ARFGAP2: variants seen among roughly 807,000 people sequenced by gnomAD.
ARFGAP2 encodes the protein ADP-ribosylation factor GTPase-activating protein 2.
In ARFGAP2, 45 loss-of-function variants were observed where a neutral mutation model predicts 71.9. The ratio of observed to expected loss-of-function variants is 0.63; its 90% CI spans 0.49 to 0.80. The LOEUF (loss-of-function observed/expected upper bound fraction) is 0.80, where lower values mean the gene tolerates loss of function less well. ARFGAP2 is among the 30% of genes least tolerant of loss of function. The probability of loss-of-function intolerance (pLI) is 0.00; values close to 1 mark genes in which losing one functional copy is unlikely to be tolerated. For synonymous variants in ARFGAP2, 248 were observed against 249.2 expected, an observed-to-expected ratio of 1.00 and a Z score of 0.05; for missense variants, 633 against 673.9, an observed-to-expected ratio of 0.94 and a Z score of 0.67.
At chr11:47,176,413 C>G in intron 2 of ARFGAP2, 103 bp downstream of exon 2, 1 of 1,153,500 alleles carries the variant, frequency 8.7e-7, no homozygotes, top group Non-Finnish European at 1.3e-6. Flanking sequence ...AGAGGCTTCC[C>G]ACCGAATTCA....
In ARFGAP2 at chr11:47,164,408, G is replaced by A. The variant is rs1952271166; in HGVS notation, c.*1074C>T. 2 of 853,240 alleles carry A rather than the reference G, an allele frequency of 2.3e-6. No homozygotes were observed. Among genetic ancestry groups the A allele is most frequent in the Non-Finnish European group, 3.4e-6 (2 of 587,108 alleles). The allele number at this position is 853,240 out of a possible 1,614,324, so 52.9% of individuals were successfully genotyped here. ...AAAGTCAAGTCCCTCTGGGGGAGGGGCAAGGGGAAGAGTGGTCTGTGTTGC... is the reference window on the plus strand; with the variant it reads ...AAAGTCAAGTCCCTCTGGGGGAGGGACAAGGGGAAGAGTGGTCTGTGTTGC... On this transcript the variant is annotated 3_prime_UTR_variant, in exon 16 of 16. Transcript: ENST00000524782.
chr11:47,175,742 G>T, intron 3 of ARFGAP2, 109 bp downstream of exon 3: 3 of 1,281,036 alleles, frequency 2.3e-6, no homozygotes, highest in Non-Finnish European at 1.1e-6. Context: ...TGGTGTTATA[G>T]AACAGAGAAC....
Position 47,175,017 on chromosome 11 carries a change from G to A in ARFGAP2, c.478C>T (p.Gln160Ter). 6.2e-7 allele frequency: 1 copy of A among 1,614,158 alleles called. No individual in the cohort carries two copies. Among genetic ancestry groups the A allele is most frequent in the Non-Finnish European group, 8.5e-7 (1 of 1,180,006 alleles). Residue 160 changes from glutamine (Q) to a stop codon, truncating the protein, a stop_gained and splice_region_variant, in exon 5 of 16, where the codon CAA (glutamine) becomes TAA (stop). Coordinates refer to ENST00000524782, the MANE Select transcript of ARFGAP2 (RefSeq NM_032389.6). LOFTEE classifies it high-confidence loss of function. Reference protein sequence around the residue: ...KDSDFFTEHTQPPAWDAPATE... With the variant: ...KDSDFFTEHT ...AACGGTTCCTTGTGGGCACTCACTT[G>A]AGTGTGTTCTGTGAAGAAATCAGAG... is the stretch of plus-strand genomic sequence containing the variant.
intron 1 of ARFGAP2, 42 bp from the exon 2 acceptor site, chr11:47,176,676 G>A (rs879306166): frequency 1.9e-6 from 3 of 1,612,044 alleles, no homozygotes; most frequent in Non-Finnish European, 2.5e-6. Context: ...GGGGCCCCGA[G>A]TAAAGGCCAG....
intron 10 of ARFGAP2, among the ~76,000 whole-genome samples, chr11:47,170,618 G>GAT (rs2135428278): frequency 6.6e-6 from 1 of 152,302 alleles, no homozygotes; most frequent in South Asian, 2.1e-4. Context: ...TTGCACTCCA[G>GAT]CCTGGGTGAC....
At chr11:47,174,864 C>A (rs928137522) in intron 5 of ARFGAP2, 151 bp downstream of exon 5, 4 of 799,904 alleles carry the variant, frequency 5.0e-6, no homozygotes, top group Non-Finnish European at 8.3e-6. Flanking sequence ...AACACCTAGG[C>A]CTACCCAGCA....
Position 47,173,832 on chromosome 11 carries a change from G to A in ARFGAP2, c.489C>T (p.Ala163=), listed in dbSNP as rs56726934. 1.3e-6 allele frequency: 2 copies of A among 1,598,942 alleles called. No homozygotes were observed. Among genetic ancestry groups the A allele is most frequent in the Non-Finnish European group, 1.7e-6 (2 of 1,173,292 alleles). ...AAGGCTCAGTGGCTGGCGCATCCCAGGCAGGGGGCTGAAAAGGAGGCCAGA... is the reference window on the plus strand; with the variant it reads ...AAGGCTCAGTGGCTGGCGCATCCCAAGCAGGGGGCTGAAAAGGAGGCCAGA... ...DFFTEHTQPP[A]WDAPATEPSG... The change falls in exon 6 of 16, where the codon GCC becomes GCT. Residue 163 remains alanine (A), a synonymous_variant. Coordinates refer to ENST00000524782, the MANE Select transcript of ARFGAP2 (RefSeq NM_032389.6).
intron 1 of ARFGAP2, 60 bp from the exon 2 acceptor site, chr11:47,176,694 C>A (rs763118395): frequency 6.2e-7 from 1 of 1,610,916 alleles, no homozygotes; most frequent in Non-Finnish European, 8.5e-7. Context: ...CAGGCACCGA[C>A]ACCCCAGAAA....
Position 47,176,770 on chromosome 11 carries a change from C to T in ARFGAP2, c.72+12G>A, listed in dbSNP as rs1440486253. On this transcript the variant is annotated intron_variant, in intron 1 of 15. Coordinates refer to ENST00000524782, the MANE Select transcript of ARFGAP2 (RefSeq NM_032389.6). ...CGGGACGAGAGACTCCGCGCGCCCCCTGCTCACGCACCTTGTTGGTTGGAA... is the reference window on the plus strand; with the variant it reads ...CGGGACGAGAGACTCCGCGCGCCCCTTGCTCACGCACCTTGTTGGTTGGAA... 6.2e-7 allele frequency: 1 copy of T among 1,614,038 alleles called. No homozygotes were observed. Among genetic ancestry groups the T allele is most frequent in the African/African-American group, 1.3e-5 (1 of 74,954 alleles).
intron 5 of ARFGAP2, chr11:47,174,554 C>A (rs1952725706): frequency 6.2e-6 from 1 of 161,266 alleles, no homozygotes; most frequent in Admixed American, 5.8e-5. Flanking sequence ...CGCCACCGCG[C>A]CCGGCTAATT....
chr11:47,173,016 C>T (rs1952662125), intron 7 of ARFGAP2: 1 of 356,672 alleles, frequency 2.8e-6, no homozygotes, highest in African/African-American at 2.1e-5. Flanking sequence ...AAAGGACAGG[C>T]TGGGGTACTG....
intron 8 of ARFGAP2, 36 bp from the exon 9 acceptor site, chr11:47,171,836 A>G (rs1009342890): frequency 1.2e-6 from 2 of 1,609,366 alleles, no homozygotes; most frequent in Non-Finnish European, 1.7e-6. Flanking sequence ...CTTCCCAATC[A>G]CACTCTCCTC....
rs771562743 is a variant in ARFGAP2, at chr11:47,175,116, C to A, written c.397-18G>T. The A allele has an allele frequency of 1.2e-6, 2 of 1,614,170 alleles. No individual in the cohort carries two copies. Among genetic ancestry groups the A allele is most frequent in the Non-Finnish European group, 1.7e-6 (2 of 1,180,022 alleles). Reference sequence around the variant, plus strand: ...ATCCAAAGCTAGAAAGGAGAAGACACCCCTAAAACACAGGGCTCTGAATAC... The same window carrying A: ...ATCCAAAGCTAGAAAGGAGAAGACAACCCTAAAACACAGGGCTCTGAATAC... On this transcript the variant is annotated intron_variant, in intron 4 of 15. Transcript: ENST00000524782.
chr11:47,172,676 C>G, intron 7 of ARFGAP2: 2 of 1,315,376 alleles, frequency 1.5e-6, no homozygotes, highest in Non-Finnish European at 2.0e-6. Flanking sequence ...AAGCTGAGAA[C>G]AGGGGCTGGG....
intron 6 of ARFGAP2, 126 bp from the exon 7 acceptor site, chr11:47,173,608 T>C: frequency 7.1e-7 from 1 of 1,398,668 alleles, no homozygotes; most frequent in South Asian, 1.4e-5. Context: ...AAGGAATATC[T>C]ACCACTTCCT....
Position 47,168,032 on chromosome 11 carries a change from T to C in ARFGAP2, c.1082A>G (p.Asn361Ser), listed in dbSNP as rs200128061. 9.2e-5 allele frequency: 149 copies of C among 1,614,056 alleles called. No homozygotes were observed. Among genetic ancestry groups the C allele is most frequent in the Non-Finnish European group, 1.2e-4 (141 of 1,180,048 alleles). The change falls in exon 12 of 16, where the codon AAT becomes AGT. Residue 361 changes from asparagine (N) to serine (S), a missense_variant. Asn to Ser is a conservative substitution (Grantham distance 46, BLOSUM62 1). Coordinates refer to ENST00000524782, the MANE Select transcript of ARFGAP2 (RefSeq NM_032389.6). ...FASGPPKYKD[N>S]PFSLGESFGS... The stretch of plus-strand genomic sequence containing the variant: ...AAAGCTTTCCCCTAAGGAAAAGGGA[T>C]TGTCCTTGTACCTAGGGAGACAGTA...
chr11:47,173,583 G>A (rs1590957936), intron 6 of ARFGAP2, 101 bp from the exon 7 acceptor site: 8 of 1,428,412 alleles, frequency 5.6e-6, no homozygotes, highest in Middle Eastern at 2.6e-4. Flanking sequence ...TCCTCAGCTT[G>A]CCACCAAAAG....
At chr11:47,171,322 C>T (rs1952589878) in intron 10 of ARFGAP2, 104 bp downstream of exon 10, 1 of 1,537,352 alleles carries the variant, frequency 6.5e-7, no homozygotes, top group Non-Finnish European at 8.8e-7. Context: ...TCTATTCAGA[C>T]TTGGAGAAAC....
intron 3 of ARFGAP2, 142 bp downstream of exon 3, chr11:47,175,709 A>C: frequency 1.1e-6 from 1 of 946,626 alleles, no homozygotes; most frequent in Non-Finnish European, 1.6e-6. Flanking sequence ...CCAGTTTCGA[A>C]GTTTTCAGAA....
Sources: allele counts gnomAD v4.1 joint callset (sites outside exome capture counted in the v4.1 genomes callset), GRCh38; gene constraint gnomAD v4.1.1; transcripts MANE v1.5; gene names NCBI Gene and HGNC (gene_info 2026-07-23, HGNC 2026-07-21).